Variants in FBXL13 observed in about 807,000 individuals in gnomAD.
FBXL13 encodes F-box and leucine rich repeat protein 13.
In FBXL13, 67 loss-of-function variants were observed where a neutral mutation model predicts 83.6. The ratio of observed to expected loss-of-function variants is 0.80; its 90% confidence interval spans 0.66 to 0.98. The LOEUF (loss-of-function observed/expected upper bound fraction) is 0.98. Among genes scored for constraint, FBXL13 ranks in the 50% least tolerant of loss-of-function variants. FBXL13 has a pLI of 0.00. For missense variants in FBXL13, 822 were observed against 866.5 expected (o/e 0.95, Z 0.64); for synonymous variants, 272 against 299.5 (o/e 0.91, Z 0.95).
chr7:103,067,964 G>T (rs919900364), intron 1 of FBXL13, among the ~76,000 whole-genome samples: 4 of 152,234 alleles, frequency 2.6e-5, no homozygotes, highest in Non-Finnish European at 2.9e-5. Context: ...GTCAGTTGAA[G>T]AAGTGCTAGT....
intron 16 of FBXL13, among the ~76,000 whole-genome samples, chr7:102,868,411 T>C (rs1808059899): frequency 6.6e-6 from 1 of 152,178 alleles, no homozygotes; most frequent in Non-Finnish European, 1.5e-5. Context: ...TCATGAGATA[T>C]TTGTCTTTCT....
At chr7:102,979,524 T>A (rs1222173861) in intron 6 of FBXL13, among the ~76,000 whole-genome samples, 1 of 152,212 alleles carries the variant, frequency 6.6e-6, no homozygotes, top group East Asian at 1.9e-4. Flanking sequence ...TATGGACATC[T>A]TTGTAGGGGG....
chr7:102,886,332 A>G (rs1810787925), intron 11 of FBXL13, among the ~76,000 whole-genome samples: 1 of 152,198 alleles, frequency 6.6e-6, no homozygotes, highest in Non-Finnish European at 1.5e-5. Context: ...AGCAGCTACA[A>G]TGGACCTCTA....
At chr7:103,039,590 C>T (rs1218531080) in intron 2 of FBXL13, among the ~76,000 whole-genome samples, 1 of 151,992 alleles carries the variant, frequency 6.6e-6, no homozygotes, top group Non-Finnish European at 1.5e-5. Context: ...GATTGGGTTA[C>T]CCACAAAGGG....
At chr7:102,887,998 C>A (rs1563047468) in intron 11 of FBXL13, among the ~76,000 whole-genome samples, 1 of 152,174 alleles carries the variant, frequency 6.6e-6, no homozygotes, top group Non-Finnish European at 1.5e-5. Context: ...AGCCCTTGGA[C>A]AGTTTTTGAA....
chr7:102,998,953 A>G (rs1041048025), intron 6 of FBXL13, among the ~76,000 whole-genome samples: 3 of 152,138 alleles, frequency 2.0e-5, no homozygotes, highest in Non-Finnish European at 4.4e-5. Context: ...TTCCAGTACT[A>G]TGTTGAATAA....
At chr7:102,909,483 G>C (rs545306664) in intron 11 of FBXL13, among the ~76,000 whole-genome samples, 1 of 152,100 alleles carries the variant, frequency 6.6e-6, no homozygotes, top group Non-Finnish European at 1.5e-5. Flanking sequence ...ACCCTAGCTG[G>C]TAATATGCTG....
At chr7:102,962,264 T>C (rs1458491123) in intron 8 of FBXL13, among the ~76,000 whole-genome samples, 1 of 152,024 alleles carries the variant, frequency 6.6e-6, no homozygotes, top group African/African-American at 2.4e-5. Context: ...ATCAGAGAAA[T>C]GCAAATCAAA....
chr7:102,856,096 A>T (rs1806012006), intron 16 of FBXL13, among the ~76,000 whole-genome samples: 1 of 152,002 alleles, frequency 6.6e-6, no homozygotes, highest in African/African-American at 2.4e-5. Context: ...TTGTTTCTTC[A>T]GTTTCTTCAG....
At chr7:103,052,074 G>T (rs971699569) in intron 2 of FBXL13, among the ~76,000 whole-genome samples, 4 of 152,198 alleles carry the variant, frequency 2.6e-5, no homozygotes, top group Non-Finnish European at 4.4e-5. Flanking sequence ...ACTGTGTAGT[G>T]TAAGACTGAA....
At chr7:102,827,247 C>G in intron 18 of FBXL13, 1 of 409,976 alleles carries the variant, frequency 2.4e-6, no homozygotes, top group Non-Finnish European at 5.2e-6. Flanking sequence ...GGAAGCTGTC[C>G]CAGCTGGGTC....
At chr7:102,931,905 A>T (rs777586197) in exon 9 of FBXL13, 1 of 1,613,780 alleles carries the variant, frequency 6.2e-7, no homozygotes, top group Non-Finnish European at 8.5e-7. Context: ...AGTCAGAGAC[A>T]TTCAACTCTT....
intron 6 of FBXL13, 146 bp from the exon 8 acceptor site, chr7:102,968,263 G>A: frequency 1.8e-6 from 1 of 561,650 alleles, no homozygotes; most frequent in African/African-American, 1.9e-5. Flanking sequence ...TTTGCAAATA[G>A]CAAGAGTTTA....
Position 102,813,237 on chromosome 7 carries a change from C to T in FBXL13, c.*105G>A, listed in dbSNP as rs1017921540. On this transcript the variant is annotated 3_prime_UTR_variant, in exon 20 of 20. Coordinates refer to ENST00000313221, the Ensembl canonical transcript of FBXL13. ...ATAAGAATCAGAAGATGGTTTGTTG[C>T]TTGTTTACATTGTTATTGAGATTCA... The T allele has an allele frequency of 1.5e-5, 15 of 1,015,610 alleles. No individual in the cohort carries two copies. The African/African-American group carries it at 2.3e-4, about 15-fold the overall frequency. 62.9% of individuals were successfully genotyped at this position (1,015,610 alleles called of 1,614,324 possible).
rs13247835 is a variant in FBXL13 at position 102,867,578 on chromosome 7, C to T, written c.1635+9889G>A. The stretch of plus-strand genomic sequence containing the variant: ...GGCTGCAGGGGTGGCCAAGGGCCGC[C>T]TCAGGAAGAGCTTGGTCCACCAGCC... On this transcript the variant is annotated intron_variant, in intron 16 of 19. Coordinates refer to ENST00000313221, the Ensembl canonical transcript of FBXL13. Among the ~76,000 whole-genome samples the T allele has an allele frequency of 8.0e-5, 12 of 149,324 alleles. No individual in the cohort carries two copies. In the South Asian group the frequency reaches 1.3e-3, roughly 16 times the overall value.
chr7:102,984,331 G>GAT (rs1253313898), intron 6 of FBXL13, among the ~76,000 whole-genome samples: 1 of 152,214 alleles, frequency 6.6e-6, no homozygotes, highest in Non-Finnish European at 1.5e-5. Flanking sequence ...GAACCAAGAA[G>GAT]ATATATATAA....
At chr7:102,833,593 A>ATT (rs780625360) in intron 17 of FBXL13, among the ~76,000 whole-genome samples, 7 of 148,442 alleles carry the variant, frequency 4.7e-5, no homozygotes, top group African/African-American at 1.5e-4. Flanking sequence ...CGCCCGGCTA[A>ATT]TTCTTTTTTT....
intron 8 of FBXL13, among the ~76,000 whole-genome samples, chr7:102,937,238 G>A (rs889485944): frequency 1.3e-5 from 2 of 151,752 alleles, no homozygotes; most frequent in South Asian, 2.1e-4. Flanking sequence ...AGTGGCTCAC[G>A]CCTATAATCC....
intron 11 of FBXL13, among the ~76,000 whole-genome samples, chr7:102,885,140 T>C (rs1400459665): frequency 1.3e-5 from 2 of 152,220 alleles, no homozygotes; most frequent in Admixed American, 6.5e-5. Flanking sequence ...CTTTTGGGTA[T>C]ATATTTAGGA....
Sources: allele counts gnomAD v4.1 joint callset (sites outside exome capture counted in the v4.1 genomes callset), GRCh38; gene constraint gnomAD v4.1.1; transcripts MANE v1.5; gene names NCBI Gene and HGNC (gene_info 2026-07-23, HGNC 2026-07-21).